Variants in NKAIN2 observed in about 807,000 individuals in gnomAD.
NKAIN2 encodes sodium/potassium-transporting ATPase subunit beta-1-interacting protein 2.
A neutral mutation model predicts 32.6 loss-of-function variants in NKAIN2; 14 were observed. The ratio of observed to expected loss-of-function variants is 0.43; its 90% CI spans 0.28 to 0.67. The LOEUF (loss-of-function observed/expected upper bound fraction) is 0.67, where lower values mean the gene tolerates loss of function less well. NKAIN2 is among the 30% of genes least tolerant of loss of function. NKAIN2 has a pLI of 0.17. For synonymous variants in NKAIN2, 80 were observed against 87.2 expected, an observed-to-expected ratio of 0.92 and a Z score of 0.46; for missense variants, 198 against 258.3, an observed-to-expected ratio of 0.77 and a Z score of 1.60.
intron 2 of NKAIN2, among the ~76,000 whole-genome samples, chr6:124,323,784 C>CTTTTTTTTTTTTTT (rs1188944631): frequency 3.5e-5 from 4 of 115,932 alleles, no homozygotes; most frequent in South Asian, 2.6e-4. Flanking sequence ...TTAATTTTTT[C>CTTTTTTTTTTTTTT]TTTTTTTTTT....
chr6:124,232,559 A>G (rs1268106335), intron 1 of NKAIN2, among the ~76,000 whole-genome samples: 3 of 152,206 alleles, frequency 2.0e-5, no homozygotes, highest in Non-Finnish European at 2.9e-5. Context: ...CAGAGGCACA[A>G]TGCAAAAGAA....
Position 124,364,249 on chromosome 6 carries a change from A to AG in NKAIN2, c.273+8902_273+8903insG, listed in dbSNP as rs1554288842. ...GGGTTAAAAATACCAAAAAAAAAAA[A>AG]AAGAGAGAAAAGAATGTCAAAAACA... On this transcript the variant is annotated intron_variant, in intron 3 of 6. Coordinates refer to ENST00000368417, the MANE Select transcript of NKAIN2 (RefSeq NM_001040214.3). Among the ~76,000 whole-genome samples, 12 of 84,056 alleles carry AG rather than the reference A, an allele frequency of 1.4e-4. 1 individual carries two copies. Among genetic ancestry groups the AG allele is most frequent in the Admixed American group, 2.3e-4 (2 of 8,658 alleles). 55.1% of individuals were successfully genotyped at this position (84,056 alleles called of 152,430 possible). A position where few individuals can be genotyped will look rare whatever the true frequency, so the allele number is the denominator to read the frequency against.
At chr6:124,671,798 T>C (rs1372581215) in intron 4 of NKAIN2, among the ~76,000 whole-genome samples, 1 of 152,060 alleles carries the variant, frequency 6.6e-6, no homozygotes, top group Non-Finnish European at 1.5e-5. Flanking sequence ...TGGCTATTGA[T>C]TCTGGCCTCA....
intron 3 of NKAIN2, among the ~76,000 whole-genome samples, chr6:124,531,940 G>A (rs1779542734): frequency 6.6e-6 from 1 of 152,146 alleles, no homozygotes; most frequent in Non-Finnish European, 1.5e-5. Flanking sequence ...CAAAGTGCTG[G>A]GGTTACAGGC....
chr6:124,354,092 G>C lies in NKAIN2; in HGVS notation c.193-1175G>C, dbSNP rs1202259002. Among the ~76,000 whole-genome samples the C allele has an allele frequency of 2.6e-5, 4 of 152,112 alleles. No individual in the cohort carries two copies. In the East Asian group the frequency reaches 7.7e-4, roughly 29 times the overall value. On this transcript the variant is annotated intron_variant, in intron 2 of 6. Coordinates refer to ENST00000368417, the MANE Select transcript of NKAIN2 (RefSeq NM_001040214.3). ...CCCTTCCAACCCCGCATGCTTTTAAGTCCATTCGTTTTAAGCTTGATTCAT... is the reference window on the plus strand; with the variant it reads ...CCCTTCCAACCCCGCATGCTTTTAACTCCATTCGTTTTAAGCTTGATTCAT...
At chr6:124,489,071 G>A (rs975538177) in intron 3 of NKAIN2, among the ~76,000 whole-genome samples, 15 of 151,906 alleles carry the variant, frequency 9.9e-5, no homozygotes, top group African/African-American at 3.6e-4. Context: ...TTCCAAGAAA[G>A]TACTAATTGT....
At position 124,599,608 on chromosome 6, in the gene NKAIN2, T is replaced by C. The variant is rs530738060; in HGVS notation, c.274-58578T>C. Among the ~76,000 whole-genome samples, 9 of 152,256 alleles carry C rather than the reference T, an allele frequency of 5.9e-5. No individual in the cohort carries two copies. In the South Asian group the frequency reaches 1.9e-3, roughly 32 times the overall value. On this transcript the variant is annotated intron_variant, in intron 3 of 6. Coordinates refer to ENST00000368417, the MANE Select transcript of NKAIN2 (RefSeq NM_001040214.3). The stretch of plus-strand genomic sequence containing the variant: ...AGCATCTCTTAAGATGGTGGATACT[T>C]CTTGGGTGAAGGCTAGAAATAAGAA...
intron 2 of NKAIN2, among the ~76,000 whole-genome samples, chr6:124,323,768 A>C (rs987704161): frequency 3.4e-5 from 5 of 145,218 alleles, no homozygotes; most frequent in African/African-American, 1.3e-4. Context: ...AGCTGTTTCA[A>C]TTCTTTTAAT....
intron 3 of NKAIN2, among the ~76,000 whole-genome samples, chr6:124,446,403 C>G (rs372023934): frequency 6.6e-6 from 1 of 151,958 alleles, no homozygotes; most frequent in Non-Finnish European, 1.5e-5. Flanking sequence ...AGTGCAGTGA[C>G]GTGATCTCAG....
chr6:124,348,330 C>G (rs1272840575), intron 2 of NKAIN2, among the ~76,000 whole-genome samples: 1 of 152,194 alleles, frequency 6.6e-6, no homozygotes, highest in Non-Finnish European at 1.5e-5. Context: ...AGATCTCCAG[C>G]TGCGTGCTGG....
At chr6:124,475,347 T>C (rs762471914) in intron 3 of NKAIN2, among the ~76,000 whole-genome samples, 2 of 152,176 alleles carry the variant, frequency 1.3e-5, no homozygotes, top group African/African-American at 4.8e-5. Flanking sequence ...TTGGTACTTA[T>C]GCTACAGCAT....
chr6:124,761,592 C>T (rs908742804), intron 4 of NKAIN2, among the ~76,000 whole-genome samples: 1 of 152,134 alleles, frequency 6.6e-6, no homozygotes, highest in Non-Finnish European at 1.5e-5. Context: ...TGCCAAATAG[C>T]TCCTAATTCT....
chr6:124,339,313 C>A (rs1798017526), intron 2 of NKAIN2, among the ~76,000 whole-genome samples: 1 of 151,364 alleles, frequency 6.6e-6, no homozygotes. Context: ...CCACTGCACT[C>A]CAGCCTGGCA....
At chr6:124,256,011 G>T (rs1175408903) in intron 1 of NKAIN2, among the ~76,000 whole-genome samples, 1 of 152,120 alleles carries the variant, frequency 6.6e-6, no homozygotes, top group African/African-American at 2.4e-5. Flanking sequence ...AAATAGATAT[G>T]GGAAAGAAAG....
At chr6:124,692,920 T>C (rs372734087) in intron 4 of NKAIN2, among the ~76,000 whole-genome samples, 1 of 152,208 alleles carries the variant, frequency 6.6e-6, no homozygotes, top group Admixed American at 6.5e-5. Context: ...AACATTTTTA[T>C]GGTTTTAAAT....
chr6:124,571,347 G>A (rs12111480), intron 3 of NKAIN2, among the ~76,000 whole-genome samples: 17,588 of 152,014 alleles, frequency 0.12, 1,452 homozygotes, highest in African/African-American at 0.24. Flanking sequence ...GGGGCCAGGC[G>A]TGGAATGATA....
At chr6:123,982,268 G>T (rs1263240202) in intron 1 of NKAIN2, among the ~76,000 whole-genome samples, 1 of 152,066 alleles carries the variant, frequency 6.6e-6, no homozygotes, top group East Asian at 1.9e-4. Context: ...TGTATTTATT[G>T]CTTTCAAACT....
chr6:124,226,196 TA>T (rs974978411), intron 1 of NKAIN2, among the ~76,000 whole-genome samples: 2 of 151,906 alleles, frequency 1.3e-5, no homozygotes, highest in African/African-American at 2.4e-5. Context: ...GGCTGTTTTT[TA>T]AAAAAAATTA....
chr6:124,780,184 G>T (rs1779195262), intron 4 of NKAIN2, among the ~76,000 whole-genome samples: 1 of 152,158 alleles, frequency 6.6e-6, no homozygotes, highest in Admixed American at 6.6e-5. Context: ...GTGGTGTAAG[G>T]GTTGGGAGAG....
Sources: gnomAD v4.1 joint callset for allele counts (sites outside exome capture counted in the v4.1 genomes callset) on GRCh38, gnomAD v4.1.1 for gene constraint, MANE v1.5 for transcripts, NCBI Gene and HGNC (gene_info 2026-07-23, HGNC 2026-07-21) for gene names.